TMEM38A: variants seen among roughly 807,000 people sequenced by gnomAD.
The protein encoded by TMEM38A is transmembrane protein 38A, also known as trimeric intracellular cation channel type A.
TMEM38A carries 17 observed loss-of-function variants against 28.6 expected under a neutral mutation model. That is an observed-to-expected ratio of 0.60 (90% CI 0.41 to 0.89). The LOEUF (loss-of-function observed/expected upper bound fraction) is 0.89. Ranked by LOEUF, TMEM38A falls within the 40% of genes least tolerant of loss-of-function variation. The pLI is 0.00. For synonymous variants in TMEM38A, 169 were observed against 166.1 expected (o/e 1.02, Z -0.14); for missense variants, 328 against 393.1 (o/e 0.83, Z 1.40).
intron 1 of TMEM38A, among the ~76,000 whole-genome samples, chr19:16,677,692 G>A (rs2086758156): frequency 6.6e-6 from 1 of 151,866 alleles, no homozygotes; most frequent in Non-Finnish European, 1.5e-5. Flanking sequence ...GAGTAGCTGG[G>A]ACTACAGAAG....
intron 1 of TMEM38A, among the ~76,000 whole-genome samples, chr19:16,663,871 C>G (rs1385135267): frequency 6.6e-6 from 1 of 151,924 alleles, no homozygotes; most frequent in Admixed American, 6.6e-5. Context: ...CTCCACCCCC[C>G]ACCAATTGAA....
intron 1 of TMEM38A, among the ~76,000 whole-genome samples, chr19:16,665,183 A>T (rs575127293): frequency 3.4e-4 from 52 of 152,184 alleles, no homozygotes; most frequent in African/African-American, 1.2e-3. Context: ...AATCCCAGCT[A>T]CTAGGGAGGC....
intron 4 of TMEM38A, 73 bp downstream of exon 4, chr19:16,682,581 C>T (rs2086786567): frequency 2.2e-6 from 3 of 1,374,564 alleles, no homozygotes; most frequent in Non-Finnish European, 3.1e-6. Flanking sequence ...TTGGATGCTG[C>T]TGATAACTTA....
intron 1 of TMEM38A, among the ~76,000 whole-genome samples, chr19:16,678,013 G>A (rs961069435): frequency 6.6e-6 from 1 of 152,106 alleles, no homozygotes; most frequent in Non-Finnish European, 1.5e-5. Flanking sequence ...ATGGTGCCAG[G>A]GGCTAGGCGA....
intron 1 of TMEM38A, among the ~76,000 whole-genome samples, chr19:16,678,798 ATAAATT>A (rs927271654): frequency 1.3e-5 from 2 of 149,354 alleles, no homozygotes; most frequent in Non-Finnish European, 3.0e-5. Context: ...AAGTAAAGTG[ATAAATT>A]TAATGTATAT....
In TMEM38A at chr19:16,680,114, C is replaced by T; in HGVS notation, c.255C>T (p.Ser85=). The part of the protein sequence containing the change: ...EPLIDYFSNN[S]SILLASAVWY... ...TGATCGATTACTTCAGCAACAACTC[C>T]AGCATCCTGCTGGCCTCAGCTGTCT... is the stretch of plus-strand genomic sequence containing the variant. The change falls in exon 2 of 6, where the codon TCC becomes TCT. Residue 85 remains serine, a synonymous_variant. Coordinates refer to ENST00000187762, the MANE Select transcript of TMEM38A (RefSeq NM_024074.4). The T allele has an allele frequency of 6.2e-7, 1 of 1,609,832 alleles. No homozygotes were observed.
intron 3 of TMEM38A, among the ~76,000 whole-genome samples, 177 bp from the exon 4 acceptor site, chr19:16,682,244 G>C (rs960606802): frequency 6.6e-6 from 1 of 152,034 alleles, no homozygotes; most frequent in African/African-American, 2.4e-5. Context: ...CCTCAGCAAG[G>C]CTCTGTCCTC....
intron 1 of TMEM38A, among the ~76,000 whole-genome samples, chr19:16,671,201 CTTTTTTTTTTT>C (rs34550977): frequency 1.2e-5 from 1 of 84,848 alleles, no homozygotes; most frequent in African/African-American, 6.6e-5. Flanking sequence ...AGGACCTGGG[CTTTTTTTTTTT>C]TTTTTTTTTT....
At chr19:16,666,370 G>A (rs1224524294) in intron 1 of TMEM38A, among the ~76,000 whole-genome samples, 1 of 151,920 alleles carries the variant, frequency 6.6e-6, no homozygotes, top group Non-Finnish European at 1.5e-5. Flanking sequence ...ACCCGCCTCA[G>A]CCTCCCAAAG....
At chr19:16,664,999 A>C (rs1419238272) in intron 1 of TMEM38A, among the ~76,000 whole-genome samples, 1 of 152,094 alleles carries the variant, frequency 6.6e-6, no homozygotes, top group East Asian at 1.9e-4. Flanking sequence ...CTTCTCTATA[A>C]AAAATACAAA....
At position 16,680,343 on chromosome 19, in the gene TMEM38A, C is replaced by T. The variant is rs903011597; in HGVS notation, c.282-54C>T. On this transcript the variant is annotated intron_variant, in intron 2 of 5. Coordinates refer to ENST00000187762, the MANE Select transcript of TMEM38A (RefSeq NM_024074.4). ...TCTGATATAACCACAGCTCCCTACC[C>T]CCATCCTTCACAGTCTGCCCATCCC... 8.1e-6 allele frequency: 13 copies of T among 1,597,550 alleles called. No homozygotes were observed. In the Admixed American group the frequency reaches 1.8e-4, roughly 23 times the overall value.
chr19:16,665,247 T>C (rs2086698094), intron 1 of TMEM38A, among the ~76,000 whole-genome samples: 1 of 151,716 alleles, frequency 6.6e-6, no homozygotes, highest in African/African-American at 2.4e-5. Context: ...TGAGCCAAGA[T>C]TGTGCCATTC....
At chr19:16,679,232 A>T (rs1189614851) in intron 1 of TMEM38A, among the ~76,000 whole-genome samples, 1 of 149,232 alleles carries the variant, frequency 6.7e-6, no homozygotes, top group African/African-American at 2.5e-5. Context: ...CTGAGGTCAG[A>T]ATAGCAATTT....
At chr19:16,664,055 A>G (rs547198094) in intron 1 of TMEM38A, among the ~76,000 whole-genome samples, 10 of 152,200 alleles carry the variant, frequency 6.6e-5, no homozygotes, top group African/African-American at 2.2e-4. Flanking sequence ...CAGCCTCGGG[A>G]CTCAGCCCAG....
At chr19:16,687,288 C>T (rs549391377) in intron 5 of TMEM38A, among the ~76,000 whole-genome samples, 2 of 151,468 alleles carry the variant, frequency 1.3e-5, no homozygotes, top group East Asian at 3.9e-4. Context: ...GCTAAGATCG[C>T]ACCACCGCAC....
intron 1 of TMEM38A, among the ~76,000 whole-genome samples, chr19:16,665,410 A>G (rs529978893): frequency 7.2e-5 from 11 of 151,932 alleles, no homozygotes; most frequent in Non-Finnish European, 1.5e-4. Flanking sequence ...GATTACCTGA[A>G]CCCTGCAAGG....
intron 4 of TMEM38A, among the ~76,000 whole-genome samples, chr19:16,683,241 C>T (rs1192331327): frequency 6.6e-6 from 1 of 151,880 alleles, no homozygotes; most frequent in African/African-American, 2.4e-5. Flanking sequence ...CCCAAAATAC[C>T]GGGATTACAG....
chr19:16,684,406 G>A (rs1287396235), intron 4 of TMEM38A, among the ~76,000 whole-genome samples: 1 of 151,914 alleles, frequency 6.6e-6, no homozygotes, highest in Non-Finnish European at 1.5e-5. Context: ...CTTGGTCTCA[G>A]AAGGTTGAAG....
chr19:16,669,409 G>A (rs537981710), intron 1 of TMEM38A, among the ~76,000 whole-genome samples: 5 of 151,832 alleles, frequency 3.3e-5, no homozygotes, highest in East Asian at 1.9e-4. Context: ...GTTTCACCAT[G>A]TTGGCCAGGC....
Sources: gnomAD v4.1 joint callset for allele counts (sites outside exome capture counted in the v4.1 genomes callset) on GRCh38, gnomAD v4.1.1 for gene constraint, MANE v1.5 for transcripts, NCBI Gene and HGNC (gene_info 2026-07-23, HGNC 2026-07-21) for gene names.